KRT14: variants seen among roughly 807,000 people sequenced by gnomAD.
KRT14 encodes keratin 14, also known as keratin, type I cytoskeletal 14.
A neutral mutation model predicts 44.5 loss-of-function variants in KRT14; 30 were observed. The ratio of observed to expected loss-of-function variants is 0.67; its 90% CI spans 0.50 to 0.92. The LOEUF (loss-of-function observed/expected upper bound fraction) is 0.92, where lower values mean the gene tolerates loss of function less well. Ranked by LOEUF, KRT14 falls within the 40% of genes least tolerant of loss-of-function variation. KRT14 has a pLI of 0.00. For synonymous variants in KRT14, 241 were observed against 257.6 expected (o/e 0.94, Z 0.62); for missense variants, 535 against 640.6 (o/e 0.84, Z 1.78).
rs755347135 is a variant in KRT14 at position 41,583,521 on chromosome 17, G to C, written c.1053+30C>G. 3.7e-6 allele frequency: 6 copies of C among 1,614,140 alleles called. No homozygotes were observed. The African/African-American group carries it at 5.3e-5, about 14-fold the overall frequency. ...GCCGTTCTCTCCCTGCCAGTCCTGG[G>C]TGCACCACCCTTCCTGGCACTATTC... On this transcript the variant is annotated intron_variant, in intron 5 of 7. Transcript: ENST00000167586.
At chr17:41,582,883 G>C (rs1454969009) in intron 7 of KRT14, 7 of 627,406 alleles carry the variant, frequency 1.1e-5, no homozygotes, top group Non-Finnish European at 2.0e-5. Context: ...ATCTGCCACA[G>C]ACACCACGTA....
Position 41,583,255 on chromosome 17 carries a change from C to T in KRT14, c.1254G>A (p.Leu418=). ...CTCACTGGGCGTCCTCGCCCTCCAGCAGGCGGCGGTAGGTGGCGATCTCCT... is the reference window on the plus strand; with the variant it reads ...CTCACTGGGCGTCCTCGCCCTCCAGTAGGCGGCGGTAGGTGGCGATCTCCT... ...LEQEIATYRR[L]LEGEDAHLSS... is the part of the protein sequence containing the mutation. Residue 418 remains leucine, a synonymous_variant, in exon 6 of 8, where the codon CTG becomes CTA. Coordinates refer to ENST00000167586, the MANE Select transcript of KRT14 (RefSeq NM_000526.5). 1.9e-6 allele frequency: 3 copies of T among 1,613,566 alleles called. No homozygotes were observed. The highest frequency in any genetic ancestry group is 2.7e-5 in the African/African-American group (2 of 75,010).
Position 41,583,315 on chromosome 17 carries a change from G to T in KRT14, c.1194C>A (p.Tyr398Ter). 4 of 1,613,730 alleles carry T rather than the reference G, an allele frequency of 2.5e-6. No homozygotes were observed. The highest frequency in any genetic ancestry group is 3.4e-6 in the Non-Finnish European group (4 of 1,180,002). The stretch of plus-strand genomic sequence containing the variant: ...GCGTCTTCACGTCCAGCAGGATCTT[G>T]TACTCCTGGTTCTGCTGCTCCATCT... ...RCEMEQQNQEYKILLDVKTRL... is the reference protein window; with the variant it reads ...RCEMEQQNQE Residue 398 changes from tyrosine (Y) to a stop codon, truncating the protein, a stop_gained, in exon 6 of 8, where the codon TAC (tyrosine) becomes TAA (stop). Coordinates refer to ENST00000167586, the MANE Select transcript of KRT14 (RefSeq NM_000526.5). LOFTEE classifies it high-confidence loss of function.
intron 5 of KRT14, 44 bp from the exon 6 acceptor site, chr17:41,583,499 G>A (rs764360759): frequency 1.1e-4 from 175 of 1,613,998 alleles, no homozygotes; most frequent in Admixed American, 4.7e-4. Flanking sequence ...GAGTGTGGCC[G>A]TTCTCTCCCT....
chr17:41,583,042 G>T, intron 7 of KRT14, 52 bp downstream of exon 7: 1 of 1,558,378 alleles, frequency 6.4e-7, no homozygotes, highest in Non-Finnish European at 8.8e-7. Context: ...AGACCTGCTT[G>T]GGGTACAGAG....
Position 41,582,398 on chromosome 17 carries a change from CG to C in KRT14, c.*36del. ...TCTTCCAGTGGGATCTGTGTCCACA[CG>C]GGGGGCCTCCTAGGCCTGAGCGGGG... On this transcript the variant is annotated 3_prime_UTR_variant, in exon 8 of 8. Transcript: ENST00000167586. 2 of 1,489,608 alleles carry C rather than the reference CG, an allele frequency of 1.3e-6. No individual in the cohort carries two copies. Among genetic ancestry groups the C allele is most frequent in the Non-Finnish European group, 1.8e-6 (2 of 1,091,854 alleles). 92.3% of individuals were successfully genotyped at this position (1,489,608 alleles called of 1,614,324 possible).
intron 7 of KRT14, 54 bp from the exon 8 acceptor site, chr17:41,582,586 A>T: frequency 7.0e-7 from 1 of 1,423,592 alleles, no homozygotes; most frequent in South Asian, 1.2e-5. Flanking sequence ...CAATGGACTA[A>T]TCAGGAGTAA....
chr17:41,585,422 C>T (rs997974605), intron 1 of KRT14, among the ~76,000 whole-genome samples: 1 of 152,222 alleles, frequency 6.6e-6, no homozygotes, highest in African/African-American at 2.4e-5. Context: ...GCTGACCTCT[C>T]TTCTGTCTGC....
At position 41,586,623 on chromosome 17, in the gene KRT14, C is replaced by A. The variant is rs753666745; in HGVS notation, c.212G>T (p.Gly71Val). ...GACGLGGGYG[G>V]GFSSSSSSFG... ...GCTGCTGCTGCTGCTGCTGAAGCCA[C>A]CGCCATAGCCGCCCCCCAGCCCGCA... Residue 71 changes from glycine to valine, a missense_variant, in exon 1 of 8, where the codon GGT (glycine) becomes GTT (valine). Transcript: ENST00000167586. 1.2e-6 allele frequency: 2 copies of A among 1,610,438 alleles called. No individual in the cohort carries two copies. Among genetic ancestry groups the A allele is most frequent in the Non-Finnish European group, 1.7e-6 (2 of 1,178,392 alleles).
intron 3 of KRT14, 130 bp downstream of exon 3, chr17:41,584,127 T>C: frequency 1.3e-6 from 1 of 769,548 alleles, no homozygotes; most frequent in Non-Finnish European, 2.1e-6. Context: ...TTGCCCAGGC[T>C]GGACTCAAAC....
At chr17:41,583,997 G>C (rs1907433713) in intron 3 of KRT14, 76 bp from the exon 4 acceptor site, 2 of 1,453,180 alleles carry the variant, frequency 1.4e-6, no homozygotes, top group Non-Finnish European at 1.9e-6. Context: ...CCTGAATACT[G>C]CCCTCCCACC....
At chr17:41,585,993 C>G (rs2144585485) in intron 1 of KRT14, among the ~76,000 whole-genome samples, 1 of 152,402 alleles carries the variant, frequency 6.6e-6, no homozygotes, top group East Asian at 1.9e-4. Flanking sequence ...AGCCTTGGCT[C>G]TGCCATTAAT....
Position 41,583,089 on chromosome 17 carries a change from C to A in KRT14, c.1321+5G>T. 6.2e-7 allele frequency: 1 copy of A among 1,612,834 alleles called. No individual in the cohort carries two copies. Among genetic ancestry groups the A allele is most frequent in the Non-Finnish European group, 8.5e-7 (1 of 1,179,920 alleles). On this transcript the variant is annotated splice_donor_5th_base_variant and intron_variant, in intron 7 of 7. Coordinates refer to ENST00000167586, the MANE Select transcript of KRT14 (RefSeq NM_000526.5). ...GCCCAGGCCTGCAGAGGAGGAGGGTCTTACCATCTCTGGATGACTGCGATC... is the reference window on the plus strand; with the variant it reads ...GCCCAGGCCTGCAGAGGAGGAGGGTATTACCATCTCTGGATGACTGCGATC...
chr17:41,585,093 T>C, intron 1 of KRT14, 36 bp from the exon 2 acceptor site: 1 of 1,497,988 alleles, frequency 6.7e-7, no homozygotes, highest in Non-Finnish European at 9.3e-7. Context: ...ATTTGTCAAA[T>C]GGACTTCACA....
intron 5 of KRT14, 34 bp downstream of exon 5, chr17:41,583,517 C>G: frequency 6.2e-7 from 1 of 1,614,222 alleles, no homozygotes; most frequent in Non-Finnish European, 8.5e-7. Context: ...CCTGCCAGTC[C>G]TGGGTGCACC....
chr17:41,583,510 G>C, intron 5 of KRT14, 41 bp downstream of exon 5: 2 of 1,614,156 alleles, frequency 1.2e-6, no homozygotes, highest in Non-Finnish European at 1.7e-6. Flanking sequence ...TTCTCTCCCT[G>C]CCAGTCCTGG....
At position 41,584,086 on chromosome 17, in the gene KRT14, T is replaced by C. The variant is rs1907442724; in HGVS notation, c.766-165A>G. Among the ~76,000 whole-genome samples, 4 of 140,464 alleles carry C rather than the reference T, an allele frequency of 2.8e-5. 1 individual carries two copies. Among genetic ancestry groups the C allele is most frequent in the Admixed American group, 7.1e-5 (1 of 14,066 alleles). 92.1% of individuals were successfully genotyped at this position (140,464 alleles called of 152,430 possible). A position where few individuals can be genotyped will look rare whatever the true frequency, so the allele number is the denominator to read the frequency against. On this transcript the variant is annotated intron_variant, in intron 3 of 7. Transcript: ENST00000167586. ...CTCTCTCTCTTTTTTTTTTTTTTTT[T>C]TTTTTTTTTTTTGGACAGGGTCTAG...
chr17:41,584,437 T>C, intron 2 of KRT14, 24 bp from the exon 3 acceptor site: 1 of 1,613,188 alleles, frequency 6.2e-7, no homozygotes, highest in Non-Finnish European at 8.5e-7. Flanking sequence ...AGAGAAAAGG[T>C]ATGAGACACC....
chr17:41,583,661 G>A lies in KRT14; in HGVS notation c.943C>T (p.Arg315Cys), dbSNP rs759976654. Residue 315 changes from arginine (R) to cysteine (C), a missense_variant, in exon 5 of 8, where the codon CGC (arginine) becomes TGC (cysteine). Arg to Cys is a radical substitution (Grantham distance 180). Coordinates refer to ENST00000167586, the MANE Select transcript of KRT14 (RefSeq NM_000526.5). The stretch of plus-strand genomic sequence containing the variant: ...AGCTCGCTGTTGGTGGCCACCTCGC[G>A]GTTCAGCTCCTCTGTCTGCAAAAAA... ...WFFTKTEELN[R>C]EVATNSELVQ... 2.3e-5 allele frequency: 37 copies of A among 1,614,076 alleles called. No individual in the cohort carries two copies. Among genetic ancestry groups the A allele is most frequent in the East Asian group, 4.5e-5 (2 of 44,900 alleles).
Sources: allele counts gnomAD v4.1 joint callset (sites outside exome capture counted in the v4.1 genomes callset), GRCh38; gene constraint gnomAD v4.1.1; transcripts MANE v1.5; gene names NCBI Gene and HGNC (gene_info 2026-07-23, HGNC 2026-07-21).